TMEM163: variants seen among roughly 807,000 people sequenced by gnomAD.
TMEM163 encodes transmembrane protein 163.
A neutral mutation model predicts 29.3 loss-of-function variants in TMEM163; 17 were observed. The ratio of observed to expected loss-of-function variants is 0.58; its 90% CI spans 0.40 to 0.87. The LOEUF (loss-of-function observed/expected upper bound fraction) is 0.87. Among genes scored for constraint, TMEM163 ranks in the 40% least tolerant of loss-of-function variants. The pLI, the probability that TMEM163 is intolerant of heterozygous loss-of-function variation, is 0.00. For missense variants in TMEM163, 303 were observed against 381.5 expected, an observed-to-expected ratio of 0.79 and a Z score of 1.71; for synonymous variants, 157 against 160.6, an observed-to-expected ratio of 0.98 and a Z score of 0.17.
At chr2:134,534,341 C>T (rs572271575) in intron 4 of TMEM163, among the ~76,000 whole-genome samples, 16 of 152,242 alleles carry the variant, frequency 1.1e-4, no homozygotes, top group South Asian at 2.1e-4. Flanking sequence ...AGCTATCCAA[C>T]CACAAACCAA....
intron 2 of TMEM163, among the ~76,000 whole-genome samples, chr2:134,691,615 C>A (rs535494556): frequency 6.6e-6 from 1 of 152,202 alleles, no homozygotes; most frequent in African/African-American, 2.4e-5. Flanking sequence ...CCCTAGGTGC[C>A]GCCAGGCTTC....
intron 5 of TMEM163, among the ~76,000 whole-genome samples, chr2:134,486,275 T>G (rs1401131208): frequency 6.6e-6 from 1 of 152,102 alleles, no homozygotes; most frequent in Non-Finnish European, 1.5e-5. Flanking sequence ...TTAAAGCTCA[T>G]TTACCCACCC....
chr2:134,488,559 T>C (rs1257636402), intron 5 of TMEM163, among the ~76,000 whole-genome samples: 4 of 152,220 alleles, frequency 2.6e-5, no homozygotes, highest in Non-Finnish European at 1.5e-5. Context: ...GCTTCCCTAC[T>C]TTTGAGGTTT....
intron 2 of TMEM163, among the ~76,000 whole-genome samples, chr2:134,616,119 G>GTGGA (rs1682604644): frequency 1.3e-5 from 2 of 152,234 alleles, no homozygotes; most frequent in Admixed American, 1.3e-4. Flanking sequence ...CAAAGCAAAA[G>GTGGA]TGGACTGGTC....
intron 5 of TMEM163, among the ~76,000 whole-genome samples, chr2:134,494,884 A>G (rs1243444268): frequency 6.6e-6 from 1 of 152,122 alleles, no homozygotes; most frequent in Non-Finnish European, 1.5e-5. Context: ...ACTCATTCCC[A>G]TGGGTGAGGC....
Position 134,497,706 on chromosome 2 carries a change from G to A in TMEM163, c.555+5195C>T, listed in dbSNP as rs574850830. ...ACTGGGTACTGCATCCATTTTTGTC[G>A]TGAAGAAACTTGCTCAGAGAGGAAG... On this transcript the variant is annotated intron_variant, in intron 5 of 7. Coordinates refer to ENST00000281924, the MANE Select transcript of TMEM163 (RefSeq NM_030923.5). Among the ~76,000 whole-genome samples the A allele has an allele frequency of 3.0e-4, 45 of 152,264 alleles. No individual in the cohort carries two copies. In the South Asian group the frequency reaches 8.5e-3, roughly 29 times the overall value.
At chr2:134,546,880 C>A (rs1185587339) in intron 4 of TMEM163, among the ~76,000 whole-genome samples, 1 of 151,902 alleles carries the variant, frequency 6.6e-6, no homozygotes, top group African/African-American at 2.4e-5. Flanking sequence ...GTGTCACATG[C>A]TACAAAAAAA....
chr2:134,551,994 G>A (rs1680940670), intron 3 of TMEM163, 54 bp downstream of exon 3: 3 of 1,512,754 alleles, frequency 2.0e-6, no homozygotes, highest in Non-Finnish European at 2.8e-6. Flanking sequence ...TGAGGTTTAT[G>A]GGCTTATGAA....
intron 2 of TMEM163, among the ~76,000 whole-genome samples, chr2:134,658,504 C>T (rs1238632274): frequency 5.9e-5 from 9 of 152,034 alleles, no homozygotes; most frequent in Admixed American, 4.6e-4. Context: ...CAAAGCAGAG[C>T]CTATGCCCCA....
chr2:134,658,950 CAT>C (rs1444763985), intron 2 of TMEM163, among the ~76,000 whole-genome samples: 6 of 152,234 alleles, frequency 3.9e-5, no homozygotes, highest in African/African-American at 1.4e-4. Context: ...CAAATACAGT[CAT>C]GTGTCTCTTA....
intron 1 of TMEM163, among the ~76,000 whole-genome samples, chr2:134,714,799 C>A (rs1219153367): frequency 6.6e-6 from 1 of 152,128 alleles, no homozygotes; most frequent in African/African-American, 2.4e-5. Flanking sequence ...AAATAAATAC[C>A]TTCTCTCTTG....
At chr2:134,477,248 A>G (rs1423726041) in intron 5 of TMEM163, among the ~76,000 whole-genome samples, 1 of 152,244 alleles carries the variant, frequency 6.6e-6, no homozygotes, top group Non-Finnish European at 1.5e-5. Context: ...CTAGGGAGAT[A>G]GACATAAATG....
intron 5 of TMEM163, among the ~76,000 whole-genome samples, chr2:134,489,105 C>T (rs1014789400): frequency 1.3e-5 from 2 of 152,146 alleles, no homozygotes; most frequent in Non-Finnish European, 2.9e-5. Context: ...CATCCTCACA[C>T]GGTACATACT....
At chr2:134,526,274 A>G (rs1299866031) in intron 4 of TMEM163, among the ~76,000 whole-genome samples, 1 of 152,220 alleles carries the variant, frequency 6.6e-6, no homozygotes, top group Admixed American at 6.5e-5. Flanking sequence ...TTCAGGACAC[A>G]TTTAGCAGGA....
At chr2:134,718,701 G>T in intron 1 of TMEM163, 33 bp downstream of exon 1, 1 of 1,133,504 alleles carries the variant, frequency 8.8e-7, no homozygotes, top group Non-Finnish European at 1.1e-6. Flanking sequence ...CAGCCACCCC[G>T]GTCGCCGGCC....
intron 4 of TMEM163, among the ~76,000 whole-genome samples, chr2:134,512,733 T>G (rs1679977534): frequency 6.6e-6 from 1 of 152,178 alleles, no homozygotes; most frequent in Non-Finnish European, 1.5e-5. Flanking sequence ...GGGAGAATGG[T>G]GAAGGCAGAT....
At chr2:134,595,801 T>C (rs1368724528) in intron 2 of TMEM163, among the ~76,000 whole-genome samples, 3 of 152,200 alleles carry the variant, frequency 2.0e-5, no homozygotes, top group African/African-American at 7.2e-5. Flanking sequence ...TTTTAATGAC[T>C]GCCATTCTAA....
At chr2:134,527,786 GT>G (rs1338326841) in intron 4 of TMEM163, among the ~76,000 whole-genome samples, 1 of 152,190 alleles carries the variant, frequency 6.6e-6, no homozygotes, top group Non-Finnish European at 1.5e-5. Context: ...CTCTGATGAG[GT>G]GATATTTAAG....
intron 4 of TMEM163, among the ~76,000 whole-genome samples, chr2:134,544,651 C>T (rs1248115807): frequency 1.3e-5 from 2 of 151,974 alleles, no homozygotes; most frequent in Non-Finnish European, 2.9e-5. Flanking sequence ...AAAAATTAGC[C>T]GGGTGTAGTG....
Sources: allele counts gnomAD v4.1 joint callset (sites outside exome capture counted in the v4.1 genomes callset), GRCh38; gene constraint gnomAD v4.1.1; transcripts MANE v1.5; gene names NCBI Gene and HGNC (gene_info 2026-07-23, HGNC 2026-07-21).